The following EMB variants were observed in gnomAD, a reference collection of about 807,000 sequenced individuals.
EMB encodes the protein embigin homolog.
Under a neutral mutation model 41.4 loss-of-function variants are expected in EMB, and 31 were observed. That is an observed-to-expected ratio of 0.75 (90% CI 0.56 to 1.01). EMB has a LOEUF of 1.01. EMB is among the 50% of genes least tolerant of loss of function. The pLI is 0.00. For synonymous variants in EMB, 137 were observed against 140.4 expected (o/e 0.98, Z 0.17); for missense variants, 379 against 388.3 (o/e 0.98, Z 0.20).
At chr5:50,423,392 C>T (rs1745557804) in intron 2 of EMB, among the ~76,000 whole-genome samples, 1 of 152,058 alleles carries the variant, frequency 6.6e-6, no homozygotes. Context: ...TTTATTTCAC[C>T]TCCTGAAGTT....
In EMB at chr5:50,403,219, A is replaced by C. The variant is rs1465226631; in HGVS notation, c.836T>G (p.Leu279Arg). The C allele has an allele frequency of 6.2e-7, 1 of 1,612,272 alleles. No individual in the cohort carries two copies. The highest frequency in any genetic ancestry group is 1.3e-5 in the African/African-American group (1 of 74,742). The change falls in exon 6 of 9, where the codon CTG becomes CGG. Residue 279 changes from leucine to arginine, a missense_variant. Physicochemically the swap from Leu to Arg is moderately radical, Grantham distance 102 (BLOSUM62 -2). Coordinates refer to ENST00000303221, the MANE Select transcript of EMB (RefSeq NM_198449.3). ...CTTTTGTGTGTACTTTTCACAAAGC[A>C]GAATGGTGGCCACTAAAAGAATCAC... ...AEVILLVATI[L>R]LCEKYTQKKK...
rs1168928266 is a variant in EMB, at chr5:50,397,012, T to G, written c.*2261A>C. ...AGAAGATTTACACTTTGGCAAAAAA[T>G]GTATATGAAAGTATCTGGGAATTTT... On this transcript the variant is annotated 3_prime_UTR_variant, in exon 9 of 9. Transcript: ENST00000303221. The G allele has an allele frequency of 6.6e-6, 1 of 152,000 alleles. No individual in the cohort carries two copies. The highest frequency in any genetic ancestry group is 1.5e-5 in the Non-Finnish European group (1 of 67,980). The allele number at this position is 152,000 out of a possible 1,614,324, so 9.4% of individuals were successfully genotyped here. A position where few individuals can be genotyped will look rare whatever the true frequency, so the allele number is the denominator to read the frequency against.
At chr5:50,426,058 C>T (rs374986807) in intron 2 of EMB, among the ~76,000 whole-genome samples, 3 of 152,160 alleles carry the variant, frequency 2.0e-5, no homozygotes, top group East Asian at 1.9e-4. Context: ...TTGTTTACTA[C>T]ATCATTTCAA....
At chr5:50,437,519 C>A (rs1354498387) in intron 1 of EMB, among the ~76,000 whole-genome samples, 1 of 152,100 alleles carries the variant, frequency 6.6e-6, no homozygotes, top group African/African-American at 2.4e-5. Context: ...TCAGTGGGTA[C>A]TCATGAATTC....
At chr5:50,413,084 A>T (rs1409161526) in intron 2 of EMB, among the ~76,000 whole-genome samples, 1 of 152,098 alleles carries the variant, frequency 6.6e-6, no homozygotes, top group Non-Finnish European at 1.5e-5. Flanking sequence ...ACACACACAC[A>T]CTTAGGGAAA....
chr5:50,410,039 G>C (rs1745308930), intron 4 of EMB, among the ~76,000 whole-genome samples: 1 of 152,068 alleles, frequency 6.6e-6, no homozygotes, highest in African/African-American at 2.4e-5. Context: ...TATTGATGGA[G>C]CCTTGAGAAT....
At chr5:50,442,273 G>C (rs185381675), upstream of EMB, among the ~76,000 whole-genome samples, 2 of 152,082 alleles carry the variant, frequency 1.3e-5, no homozygotes, top group African/African-American at 4.8e-5. Context: ...CAAAACCTGT[G>C]TTTATTCCAG....
intron 1 of EMB, among the ~76,000 whole-genome samples, chr5:50,436,918 T>C (rs1281138498): frequency 6.6e-6 from 1 of 152,214 alleles, no homozygotes; most frequent in East Asian, 1.9e-4. Flanking sequence ...CAACATATAA[T>C]TTTTTTGTGA....
chr5:50,412,929 G>A (rs1302643153), intron 2 of EMB, among the ~76,000 whole-genome samples: 4 of 114,476 alleles, frequency 3.5e-5, no homozygotes, highest in Non-Finnish European at 7.2e-5. Context: ...GGATTTCTGG[G>A]ATACTGGTGT....
At position 50,397,507 on chromosome 5, in the gene EMB, T is replaced by C. The variant is rs571776488; in HGVS notation, c.*1766A>G. ...AGTGGTGGTAAAATGGAAGAATGCA[T>C]ACTGCAGATGGGTTACACATTTGTT... On this transcript the variant is annotated 3_prime_UTR_variant, in exon 9 of 9. Coordinates refer to ENST00000303221, the MANE Select transcript of EMB (RefSeq NM_198449.3). The C allele has an allele frequency of 2.6e-5, 4 of 152,262 alleles. No individual in the cohort carries two copies. The highest frequency in any genetic ancestry group is 4.8e-5 in the African/African-American group (2 of 41,566). 9.4% of individuals were successfully genotyped at this position (152,262 alleles called of 1,614,324 possible).
intron 1 of EMB, among the ~76,000 whole-genome samples, chr5:50,430,314 T>C (rs561410498): frequency 1.4e-3 from 218 of 152,302 alleles, no homozygotes; most frequent in African/African-American, 5.1e-3. Context: ...TACAGCAGAA[T>C]ACAATCTTAA....
At chr5:50,434,042 C>G (rs1429657794) in intron 1 of EMB, among the ~76,000 whole-genome samples, 1 of 152,172 alleles carries the variant, frequency 6.6e-6, no homozygotes, top group Non-Finnish European at 1.5e-5. Context: ...AGGTTTAGGG[C>G]TTACTCTAAT....
At chr5:50,442,083 T>C (rs1482627435), upstream of EMB, among the ~76,000 whole-genome samples, 1 of 152,194 alleles carries the variant, frequency 6.6e-6, no homozygotes, top group Non-Finnish European at 1.5e-5. Flanking sequence ...TGATTTGATT[T>C]CTCTCCAGGA....
At chr5:50,431,121 G>A (rs532747540) in intron 1 of EMB, among the ~76,000 whole-genome samples, 2 of 152,216 alleles carry the variant, frequency 1.3e-5, no homozygotes, top group African/African-American at 4.8e-5. Context: ...TCCCTTTAAG[G>A]CACTAATCTT....
At chr5:50,429,916 CT>C (rs1411804535) in intron 1 of EMB, among the ~76,000 whole-genome samples, 7 of 151,742 alleles carry the variant, frequency 4.6e-5, no homozygotes, top group African/African-American at 1.5e-4. Flanking sequence ...CCTTCTCTGT[CT>C]TTTCACCCCT....
intron 4 of EMB, among the ~76,000 whole-genome samples, chr5:50,406,673 G>C (rs1272543329): frequency 6.6e-6 from 1 of 151,900 alleles, no homozygotes; most frequent in Non-Finnish European, 1.5e-5. Context: ...TGAAGATGTA[G>C]ACTCATCAAC....
rs1561143739 is a variant in EMB at position 50,441,110 on chromosome 5, C to G, written c.42G>C (p.Thr14=). The change falls in exon 1 of 9, where the codon ACG becomes ACC. Residue 14 remains threonine, a synonymous_variant. Transcript: ENST00000303221. The stretch of plus-strand genomic sequence containing the variant: ...GGCACTGGAGGAGGAGCAGCCGGGG[C>G]GTACGCGCCCTGGCCTCCAGCAGGC... The part of the protein sequence containing the change: ...LPGLLEARAR[T]PRLLLLQCLL... 1.3e-6 allele frequency: 2 copies of G among 1,516,538 alleles called. No individual in the cohort carries two copies. The highest frequency in any genetic ancestry group is 2.5e-5 in the South Asian group (2 of 81,166). The allele number at this position is 1,516,538 out of a possible 1,614,324, so 93.9% of individuals were successfully genotyped here. A position where few individuals can be genotyped will look rare whatever the true frequency, so the allele number is the denominator to read the frequency against.
chr5:50,411,327 T>A lies in EMB; in HGVS notation c.253A>T (p.Asn85Tyr). 1 of 1,612,920 alleles carries A rather than the reference T, an allele frequency of 6.2e-7. No individual in the cohort carries two copies. Among genetic ancestry groups the A allele is most frequent in the Non-Finnish European group, 8.5e-7 (1 of 1,179,328 alleles). Residue 85 changes from asparagine to tyrosine, a missense_variant, in exon 3 of 9, where the codon AAT (asparagine) becomes TAT (tyrosine). Asn to Tyr is a moderately radical substitution (Grantham distance 143). Transcript: ENST00000303221. ...GATGTTGTGAACTGGCATGTGAGAT[T>A]TACATTAGAAGGCCTTTCTAAAGTG... ...NITLERPSNV[N>Y]LTCQFTTSGD...
chr5:50,431,359 G>GTTGGAGGACAGCTGGC (rs1425190866), intron 1 of EMB, among the ~76,000 whole-genome samples: 2 of 152,214 alleles, frequency 1.3e-5, no homozygotes, highest in Non-Finnish European at 1.5e-5. Context: ...ATTGCTTTCA[G>GTTGGAGGACAGCTGGC]TTGGAGGACA....
Sources: allele counts gnomAD v4.1 joint callset (sites outside exome capture counted in the v4.1 genomes callset), GRCh38; gene constraint gnomAD v4.1.1; transcripts MANE v1.5; gene names NCBI Gene and HGNC (gene_info 2026-07-23, HGNC 2026-07-21).